The following ARHGAP24 variants were observed in gnomAD, a reference collection of about 807,000 sequenced individuals.
ARHGAP24 encodes the protein Rho GTPase activating protein 24, also known as rho GTPase-activating protein 24.
Under a neutral mutation model 76.4 loss-of-function variants are expected in ARHGAP24, and 50 were observed. That is an observed-to-expected ratio of 0.65 (90% confidence interval 0.52 to 0.83). The LOEUF (loss-of-function observed/expected upper bound fraction) is 0.83. Among genes scored for constraint, ARHGAP24 ranks in the 40% least tolerant of loss-of-function variants. ARHGAP24 has a pLI of 0.00. For missense variants in ARHGAP24, 930 were observed against 914.2 expected (o/e 1.02, Z -0.22); for synonymous variants, 345 against 323.3 (o/e 1.07, Z -0.72).
chr4:85,871,221 T>G (rs1170252825), intron 3 of ARHGAP24, among the ~76,000 whole-genome samples: 2 of 152,142 alleles, frequency 1.3e-5, no homozygotes, highest in Non-Finnish European at 2.9e-5. Context: ...AAAGTTAATA[T>G]AATTTAGGAG....
chr4:85,914,535 G>A (rs1358129406), intron 3 of ARHGAP24, among the ~76,000 whole-genome samples: 2 of 152,122 alleles, frequency 1.3e-5, no homozygotes, highest in East Asian at 1.9e-4. Context: ...GCAATAGAGG[G>A]TTTATCACCA....
intron 4 of ARHGAP24, 152 bp downstream of exon 4, chr4:85,923,922 T>G: frequency 8.7e-7 from 1 of 1,149,202 alleles, no homozygotes; most frequent in Non-Finnish European, 1.2e-6. Flanking sequence ...TAGACGTATG[T>G]CTTCGTAAAT....
In ARHGAP24 at chr4:85,611,689, T is replaced by TA. The variant is rs1720387379; in HGVS notation, c.180+40970dup. On this transcript the variant is annotated intron_variant, in intron 2 of 9. Coordinates refer to ENST00000395184, the MANE Select transcript of ARHGAP24 (RefSeq NM_001025616.3). ...TCATGAGGCAAATGATTCAGGTACATAAGCCTGTGTTAGAAAATGTGGAGA... is the reference window on the plus strand; with the variant it reads ...TCATGAGGCAAATGATTCAGGTACATAAAGCCTGTGTTAGAAAATGTGGAGA... 2.0e-5 allele frequency among the ~76,000 whole-genome samples: 3 copies of TA among 152,190 alleles called. No homozygotes were observed. The South Asian group carries it at 6.2e-4, about 31-fold the overall frequency.
At chr4:85,957,432 C>A (rs913319151) in intron 5 of ARHGAP24, among the ~76,000 whole-genome samples, 3 of 152,320 alleles carry the variant, frequency 2.0e-5, no homozygotes, top group Admixed American at 6.5e-5. Context: ...CCCTAAGGCC[C>A]TCTGTTGATT....
intron 3 of ARHGAP24, among the ~76,000 whole-genome samples, chr4:85,796,684 TAAG>T (rs1728355136): frequency 6.6e-6 from 1 of 152,040 alleles, no homozygotes; most frequent in Non-Finnish European, 1.5e-5. Flanking sequence ...CTAAAGAATA[TAAG>T]AATAGCAGAT....
At chr4:85,530,131 T>C (rs1725199209) in intron 1 of ARHGAP24, among the ~76,000 whole-genome samples, 1 of 151,946 alleles carries the variant, frequency 6.6e-6, no homozygotes, top group Non-Finnish European at 1.5e-5. Context: ...TGAAGTCCCA[T>C]ATACTCCTCC....
intron 2 of ARHGAP24, among the ~76,000 whole-genome samples, chr4:85,718,937 T>C (rs916064060): frequency 6.6e-6 from 1 of 152,164 alleles, no homozygotes; most frequent in Admixed American, 6.6e-5. Flanking sequence ...GAATTCAACT[T>C]ATATGGCACA....
At chr4:85,851,885 T>C (rs535155993) in intron 3 of ARHGAP24, among the ~76,000 whole-genome samples, 148 of 152,328 alleles carry the variant, frequency 9.7e-4, no homozygotes, top group African/African-American at 3.4e-3. Context: ...CTTAACATTT[T>C]TTCCTTCATT....
intron 1 of ARHGAP24, among the ~76,000 whole-genome samples, chr4:85,494,165 T>C (rs901028520): frequency 2.0e-5 from 3 of 152,108 alleles, no homozygotes; most frequent in Non-Finnish European, 4.4e-5. Flanking sequence ...TTTCTTTATT[T>C]CTTCTAAAAA....
At chr4:85,533,693 C>T (rs6819251) in intron 1 of ARHGAP24, among the ~76,000 whole-genome samples, 15,777 of 151,636 alleles carry the variant, frequency 0.1, 2,724 homozygotes, top group African/African-American at 0.36. Flanking sequence ...GTGTCAGTTG[C>T]CACAGAAAAA....
At chr4:85,930,723 A>G (rs1736281362) in intron 4 of ARHGAP24, 1 of 1,283,368 alleles carries the variant, frequency 7.8e-7, no homozygotes. Context: ...AGGCAAGAGA[A>G]AAGGAAGTTT....
rs142406333 is a variant in ARHGAP24 at position 85,853,367 on chromosome 4, C to T, written c.269-70281C>T. Among the ~76,000 whole-genome samples the T allele has an allele frequency of 5.1e-3, 769 of 152,244 alleles. 4 individuals carry two copies. The highest frequency in any genetic ancestry group is 8.4e-3 in the Non-Finnish European group (569 of 68,016). ...TTTGGGTGGCAATATCCTGATTTTC[C>T]GGGTACAGTCTGTCACAGCTTCCCT... On this transcript the variant is annotated intron_variant, in intron 3 of 9. Transcript: ENST00000395184.
At chr4:85,511,976 C>A (rs535874635) in intron 1 of ARHGAP24, among the ~76,000 whole-genome samples, 53 of 152,330 alleles carry the variant, frequency 3.5e-4, no homozygotes, top group African/African-American at 1.1e-3. Context: ...CTGTCATCAC[C>A]CAGCCTTCTG....
chr4:85,719,396 C>A (rs1213620159), intron 2 of ARHGAP24, among the ~76,000 whole-genome samples: 1 of 152,124 alleles, frequency 6.6e-6, no homozygotes, highest in Non-Finnish European at 1.5e-5. Flanking sequence ...AGGAATACTT[C>A]TAACATACAA....
chr4:85,797,128 G>A (rs1251598775), intron 3 of ARHGAP24, among the ~76,000 whole-genome samples: 1 of 151,592 alleles, frequency 6.6e-6, no homozygotes, highest in Non-Finnish European at 1.5e-5. Context: ...GTTTAGCATG[G>A]TAGCAGCTGG....
chr4:85,823,257 A>G (rs1729559203), intron 3 of ARHGAP24, among the ~76,000 whole-genome samples: 1 of 152,220 alleles, frequency 6.6e-6, no homozygotes, highest in Non-Finnish European at 1.5e-5. Flanking sequence ...ATTTTTCTAT[A>G]TATTGAATAT....
intron 8 of ARHGAP24, among the ~76,000 whole-genome samples, chr4:85,984,776 C>T (rs1265506925): frequency 6.6e-6 from 1 of 152,122 alleles, no homozygotes; most frequent in Non-Finnish European, 1.5e-5. Context: ...TGAGCAAGAG[C>T]ATGTTGACAT....
intron 3 of ARHGAP24, among the ~76,000 whole-genome samples, chr4:85,755,239 A>T (rs963339595): frequency 3.9e-5 from 6 of 152,086 alleles, no homozygotes; most frequent in African/African-American, 1.4e-4. Flanking sequence ...ATCCCAGTGT[A>T]CTTATGGGGA....
chr4:85,695,732 A>C (rs535907047), intron 2 of ARHGAP24, among the ~76,000 whole-genome samples: 1 of 152,336 alleles, frequency 6.6e-6, no homozygotes, highest in South Asian at 2.1e-4. Context: ...AACTAATATG[A>C]GTTAATATTC....
Sources: allele counts gnomAD v4.1 joint callset (sites outside exome capture counted in the v4.1 genomes callset), GRCh38; gene constraint gnomAD v4.1.1; transcripts MANE v1.5; gene names NCBI Gene and HGNC (gene_info 2026-07-23, HGNC 2026-07-21).